C8orf34: variants seen among roughly 807,000 people sequenced by gnomAD.
C8orf34 encodes the protein chromosome 8 open reading frame 34.
Under a neutral mutation model 68.3 loss-of-function variants are expected in C8orf34, and 65 were observed. The ratio of observed to expected loss-of-function variants is 0.95; its 90% CI spans 0.78 to 1.17. The LOEUF is 1.17. Ranked by LOEUF, C8orf34 falls within the 50% of genes most tolerant of loss-of-function variation. The pLI, the probability that C8orf34 is intolerant of heterozygous loss-of-function variation, is 0.00. For missense variants in C8orf34, 664 were observed against 655.4 expected (o/e 1.01, Z -0.14); for synonymous variants, 244 against 241.2 (o/e 1.01, Z -0.11).
chr8:68,534,082 A>C, intron 7 of C8orf34: 1 of 983,980 alleles, frequency 1.0e-6, no homozygotes, highest in Non-Finnish European at 1.2e-6. Context: ...CCTTGGTTTT[A>C]AGTGTTTATG....
intron 8 of C8orf34, among the ~76,000 whole-genome samples, chr8:68,641,942 C>G (rs1272542292): frequency 6.6e-6 from 1 of 152,158 alleles, no homozygotes; most frequent in Non-Finnish European, 1.5e-5. Flanking sequence ...CTATAAACCA[C>G]ATACTAGTCT....
At chr8:68,709,159 C>A (rs1181384580) in intron 9 of C8orf34, 80 bp downstream of exon 9, 2 of 1,050,752 alleles carry the variant, frequency 1.9e-6, no homozygotes, top group Non-Finnish European at 2.9e-6. Flanking sequence ...AAAACTAAAC[C>A]AAACATCTTG....
At chr8:68,375,776 T>C (rs1807766426) in intron 1 of C8orf34, among the ~76,000 whole-genome samples, 1 of 152,176 alleles carries the variant, frequency 6.6e-6, no homozygotes, top group Non-Finnish European at 1.5e-5. Flanking sequence ...ATTTAGGGAG[T>C]ACTTATATGC....
At chr8:68,610,198 T>G (rs1351361127) in intron 7 of C8orf34, among the ~76,000 whole-genome samples, 1 of 152,202 alleles carries the variant, frequency 6.6e-6, no homozygotes, top group Non-Finnish European at 1.5e-5. Context: ...GTTTTTAGTA[T>G]GCAGTTCAGT....
At chr8:68,796,790 G>A (rs1462796824) in intron 12 of C8orf34, among the ~76,000 whole-genome samples, 1 of 147,110 alleles carries the variant, frequency 6.8e-6, no homozygotes, top group African/African-American at 2.5e-5. Flanking sequence ...ACTTTGATTA[G>A]TTCAGCTTTT....
chr8:68,660,004 T>A (rs1819623493), intron 8 of C8orf34, among the ~76,000 whole-genome samples: 3 of 152,134 alleles, frequency 2.0e-5, no homozygotes, highest in African/African-American at 7.2e-5. Context: ...TACAGTAGCT[T>A]AACATAATAA....
chr8:68,357,720 A>G (rs2129619193), intron 1 of C8orf34, among the ~76,000 whole-genome samples: 2 of 152,224 alleles, frequency 1.3e-5, no homozygotes, highest in East Asian at 3.8e-4. Flanking sequence ...ATTCTTTATT[A>G]CAAGAACCAC....
intron 7 of C8orf34, among the ~76,000 whole-genome samples, chr8:68,618,359 T>C (rs922851843): frequency 6.6e-6 from 1 of 152,148 alleles, no homozygotes; most frequent in Non-Finnish European, 1.5e-5. Context: ...GAACATCTTA[T>C]TATTATTTTG....
At chr8:68,435,782 C>T (rs908032142) in intron 1 of C8orf34, among the ~76,000 whole-genome samples, 1 of 152,184 alleles carries the variant, frequency 6.6e-6, no homozygotes, top group African/African-American at 2.4e-5. Flanking sequence ...ACATATAGCT[C>T]AAGCACTTAA....
intron 1 of C8orf34, among the ~76,000 whole-genome samples, chr8:68,382,587 C>G (rs2129620275): frequency 6.6e-6 from 1 of 152,260 alleles, no homozygotes; most frequent in South Asian, 2.1e-4. Flanking sequence ...CATTCCTGGC[C>G]TCCCATCTAT....
chr8:68,590,790 C>T (rs1817365521), intron 7 of C8orf34, among the ~76,000 whole-genome samples: 1 of 152,154 alleles, frequency 6.6e-6, no homozygotes, highest in African/African-American at 2.4e-5. Flanking sequence ...CTGGCAGAGG[C>T]AAGTGTCTAC....
chr8:68,680,577 A>T (rs1820338978), intron 8 of C8orf34, among the ~76,000 whole-genome samples: 2 of 152,152 alleles, frequency 1.3e-5, no homozygotes, highest in South Asian at 4.2e-4. Flanking sequence ...CACATGCTTC[A>T]AAAGGCAAAA....
intron 5 of C8orf34, among the ~76,000 whole-genome samples, chr8:68,499,027 G>T (rs1325406701): frequency 6.6e-6 from 1 of 152,168 alleles, no homozygotes; most frequent in African/African-American, 2.4e-5. Context: ...CCATCAACCA[G>T]GTAGTGAACA....
At chr8:68,407,460 T>G (rs1284484624) in intron 1 of C8orf34, among the ~76,000 whole-genome samples, 1 of 152,158 alleles carries the variant, frequency 6.6e-6, no homozygotes, top group Non-Finnish European at 1.5e-5. Context: ...AAATTTGATA[T>G]ATCAGATTCT....
At chr8:68,467,246 T>C (rs1350774136) in intron 3 of C8orf34, among the ~76,000 whole-genome samples, 1 of 151,032 alleles carries the variant, frequency 6.6e-6, no homozygotes, top group African/African-American at 2.5e-5. Flanking sequence ...GGTATTATTA[T>C]GACTAATTAA....
chr8:68,399,012 G>A (rs1808838641), intron 1 of C8orf34, among the ~76,000 whole-genome samples: 1 of 151,912 alleles, frequency 6.6e-6, no homozygotes, highest in African/African-American at 2.4e-5. Context: ...TCGAACAAGG[G>A]ACCTCCCATC....
At chr8:68,359,749 T>C (rs529846700) in intron 1 of C8orf34, among the ~76,000 whole-genome samples, 1 of 152,182 alleles carries the variant, frequency 6.6e-6, no homozygotes, top group Non-Finnish European at 1.5e-5. Context: ...TATTTCATCC[T>C]GCACCCTCGG....
At chr8:68,380,456 A>G (rs186490635) in intron 1 of C8orf34, among the ~76,000 whole-genome samples, 1 of 152,358 alleles carries the variant, frequency 6.6e-6, no homozygotes, top group East Asian at 1.9e-4. Context: ...CATTTTTAAA[A>G]AAGATATTTT....
intron 12 of C8orf34, among the ~76,000 whole-genome samples, chr8:68,802,889 T>C (rs2129529641): frequency 6.6e-6 from 1 of 152,306 alleles, no homozygotes; most frequent in East Asian, 1.9e-4. Flanking sequence ...TTTTCAAAGT[T>C]TGTTAGACAA....
Sources: gnomAD v4.1 joint callset for allele counts (sites outside exome capture counted in the v4.1 genomes callset) on GRCh38, gnomAD v4.1.1 for gene constraint, MANE v1.5 for transcripts, NCBI Gene and HGNC (gene_info 2026-07-23, HGNC 2026-07-21) for gene names.